VSNL1: variants seen among roughly 807,000 people sequenced by gnomAD.
The protein encoded by VSNL1 is visinin like 1.
A neutral mutation model predicts 20.4 loss-of-function variants in VSNL1; 6 were observed. That is an observed-to-expected ratio of 0.29 (90% CI 0.16 to 0.58). The LOEUF is 0.58. Among genes scored for constraint, VSNL1 ranks in the 20% least tolerant of loss-of-function variants. The probability of loss-of-function intolerance (pLI) is 0.90; values close to 1 mark genes in which losing one functional copy is unlikely to be tolerated. For synonymous variants in VSNL1, 93 were observed against 86.4 expected (o/e 1.08, Z -0.42); for missense variants, 100 against 234.5 (o/e 0.43, Z 3.75).
chr2:17,574,321 C>T (rs1465050672), intron 1 of VSNL1, among the ~76,000 whole-genome samples: 1 of 152,080 alleles, frequency 6.6e-6, no homozygotes, highest in Non-Finnish European at 1.5e-5. Context: ...CACTTTTAGC[C>T]CTATCATCAC....
chr2:17,540,363 T>A (rs1278331476), upstream of VSNL1, among the ~76,000 whole-genome samples: 1 of 152,268 alleles, frequency 6.6e-6, no homozygotes, highest in Non-Finnish European at 1.5e-5. Flanking sequence ...CGGTAACCAC[T>A]GGGCGTGGCG....
At chr2:17,594,034 G>A (rs1664654718) in intron 2 of VSNL1, among the ~76,000 whole-genome samples, 1 of 152,216 alleles carries the variant, frequency 6.6e-6, no homozygotes, top group African/African-American at 2.4e-5. Flanking sequence ...TGTTTAAAAT[G>A]AGAGGGGTAT....
chr2:17,582,607 A>C (rs1322980648), intron 1 of VSNL1, among the ~76,000 whole-genome samples: 1 of 152,122 alleles, frequency 6.6e-6, no homozygotes, highest in Non-Finnish European at 1.5e-5. Flanking sequence ...CACGAAATAG[A>C]GAAGTTCAGA....
intron 1 of VSNL1, among the ~76,000 whole-genome samples, chr2:17,591,447 A>G (rs1320772210): frequency 6.6e-6 from 1 of 152,228 alleles, no homozygotes; most frequent in Non-Finnish European, 1.5e-5. Context: ...AAAACCATTA[A>G]GATTTTGTCA....
intron 2 of VSNL1, among the ~76,000 whole-genome samples, chr2:17,604,925 C>T (rs1414437700): frequency 6.6e-6 from 1 of 152,150 alleles, no homozygotes; most frequent in African/African-American, 2.4e-5. Flanking sequence ...CTATCCGAGG[C>T]AGAGACAACA....
chr2:17,637,271 C>T (rs73921012), intron 2 of VSNL1, among the ~76,000 whole-genome samples: 1,991 of 152,308 alleles, frequency 0.013, 23 homozygotes, highest in East Asian at 0.032. Flanking sequence ...TGGAAATGTG[C>T]GAGAAGAGCT....
At position 17,615,297 on chromosome 2, in the gene VSNL1, C is replaced by T. The variant is rs139091550; in HGVS notation, c.162+23061C>T. Among the ~76,000 whole-genome samples the T allele has an allele frequency of 3.2e-3, 486 of 152,008 alleles. 1 individual carries two copies. The highest frequency in any genetic ancestry group is 5.6e-3 in the Admixed American group (86 of 15,260). On this transcript the variant is annotated intron_variant, in intron 2 of 3. Coordinates refer to ENST00000295156, the MANE Select transcript of VSNL1 (RefSeq NM_003385.5). ...ATGCCTTATTTTTTTATTTTTTTGT[C>T]ACTTAAAGTTTTCACAACATGTATG...
intron 1 of VSNL1, among the ~76,000 whole-genome samples, chr2:17,589,806 G>A (rs1353891389): frequency 7.9e-5 from 12 of 152,154 alleles, no homozygotes; most frequent in Admixed American, 7.9e-4. Flanking sequence ...TGGGGGAGGT[G>A]GTTTTTAATA....
intron 2 of VSNL1, among the ~76,000 whole-genome samples, chr2:17,622,434 G>A (rs1253595828): frequency 1.3e-5 from 2 of 150,140 alleles, no homozygotes; most frequent in African/African-American, 2.5e-5. Context: ...GGAGGCGGAG[G>A]TCGCAGTGAG....
intron 2 of VSNL1, among the ~76,000 whole-genome samples, chr2:17,644,847 T>G (rs1665959668): frequency 6.6e-6 from 1 of 152,204 alleles, no homozygotes; most frequent in South Asian, 2.1e-4. Context: ...ACTAGCTAAT[T>G]CCAGCAGGGT....
chr2:17,591,291 A>C (rs1171723941), intron 1 of VSNL1, among the ~76,000 whole-genome samples: 1 of 152,004 alleles, frequency 6.6e-6, no homozygotes, highest in Admixed American at 6.6e-5. Context: ...CTGTCTCCCT[A>C]CTCCCTGCTG....
intron 2 of VSNL1, among the ~76,000 whole-genome samples, chr2:17,608,757 G>T (rs1468015300): frequency 6.6e-6 from 1 of 152,154 alleles, no homozygotes; most frequent in Non-Finnish European, 1.5e-5. Context: ...AGGCAGGAAT[G>T]ACCATTTCCC....
intron 1 of VSNL1, among the ~76,000 whole-genome samples, chr2:17,583,894 C>A (rs1286201072): frequency 6.6e-6 from 1 of 152,082 alleles, no homozygotes; most frequent in Admixed American, 6.6e-5. Flanking sequence ...TTGAACAGTC[C>A]CCCTCTCCAT....
chr2:17,556,464 C>A (rs1663680719), intron 1 of VSNL1, among the ~76,000 whole-genome samples: 1 of 152,128 alleles, frequency 6.6e-6, no homozygotes, highest in African/African-American at 2.4e-5. Context: ...GACCTTAATT[C>A]AAACCCCTAC....
At chr2:17,593,470 T>C (rs570306720) in intron 2 of VSNL1, among the ~76,000 whole-genome samples, 22 of 152,220 alleles carry the variant, frequency 1.4e-4, no homozygotes, top group Admixed American at 3.9e-4. Flanking sequence ...AATAAAATCA[T>C]ATAAAAAGAA....
chr2:17,575,793 C>T (rs1177752422), intron 1 of VSNL1, among the ~76,000 whole-genome samples: 1 of 152,074 alleles, frequency 6.6e-6, no homozygotes, highest in Non-Finnish European at 1.5e-5. Context: ...CCTCGGCCTC[C>T]CAAAGTGCTG....
chr2:17,616,368 A>ATATC (rs1375437947), intron 2 of VSNL1, among the ~76,000 whole-genome samples: 1 of 152,212 alleles, frequency 6.6e-6, no homozygotes, highest in Non-Finnish European at 1.5e-5. Flanking sequence ...TCGGGCTCTC[A>ATATC]TATCTAATTG....
rs114710064 is a variant in VSNL1 at position 17,572,579 on chromosome 2, A to G, written c.-5-19491A>G. 3.5e-4 allele frequency among the ~76,000 whole-genome samples: 53 copies of G among 152,304 alleles called. 1 individual carries two copies. The highest frequency in any genetic ancestry group is 8.3e-4 in the South Asian group (4 of 4,822). Reference sequence around the variant, plus strand: ...GACAGCCTCTTGTTTCATGCCATACAATAACCATTATTCATTTCTATTACT... The same window carrying G: ...GACAGCCTCTTGTTTCATGCCATACGATAACCATTATTCATTTCTATTACT... On this transcript the variant is annotated intron_variant, in intron 1 of 3. Coordinates refer to ENST00000295156, the MANE Select transcript of VSNL1 (RefSeq NM_003385.5).
chr2:17,622,233 G>T (rs1665376345), intron 2 of VSNL1, among the ~76,000 whole-genome samples: 1 of 150,624 alleles, frequency 6.6e-6, no homozygotes. Flanking sequence ...AAAAAATCAG[G>T]CTGGGCATGG....
Sources: allele counts gnomAD v4.1 joint callset (sites outside exome capture counted in the v4.1 genomes callset), GRCh38; gene constraint gnomAD v4.1.1; transcripts MANE v1.5; gene names NCBI Gene and HGNC (gene_info 2026-07-23, HGNC 2026-07-21).